The following ZFYVE26 variants were observed in gnomAD, a reference collection of about 807,000 sequenced individuals.
ZFYVE26 encodes zinc finger FYVE domain-containing protein 26.
Under a neutral mutation model 276.5 loss-of-function variants are expected in ZFYVE26, and 181 were observed. The observed-to-expected ratio is 0.65, with a 90% CI of 0.58 to 0.74. The LOEUF is 0.74. Ranked by LOEUF, ZFYVE26 falls within the 30% of genes least tolerant of loss-of-function variation. The pLI is 0.00. For missense variants in ZFYVE26, 2,821 were observed against 3,097.9 expected, an observed-to-expected ratio of 0.91 and a Z score of 2.12; for synonymous variants, 1,129 against 1,203.1, an observed-to-expected ratio of 0.94 and a Z score of 1.27.
intron 40 of ZFYVE26, 50 bp downstream of exon 40, chr14:67,752,294 G>A: frequency 6.4e-7 from 1 of 1,566,992 alleles, no homozygotes; most frequent in Non-Finnish European, 8.7e-7. Flanking sequence ...ATGGGGATGT[G>A]AAGACACTGA....
In ZFYVE26 at chr14:67,789,361, C is replaced by T. The variant is rs137898956; in HGVS notation, c.2993G>A (p.Arg998His). The T allele has an allele frequency of 4.9e-5, 79 of 1,614,226 alleles. No individual in the cohort carries two copies. The highest frequency in any genetic ancestry group is 1.1e-4 in the East Asian group (5 of 44,886). Reference protein sequence around the residue: ...CKQLLETAERRLNSSLERRGR... With the variant: ...CKQLLETAERHLNSSLERRGR... ...CCGCCTTTCAAGGCTACTATTCAAACGCCGTTCGGCTGTCTCCAAAAGCTG... is the reference window on the plus strand; with the variant it reads ...CCGCCTTTCAAGGCTACTATTCAAATGCCGTTCGGCTGTCTCCAAAAGCTG... Residue 998 changes from arginine to histidine, a missense_variant, in exon 16 of 42, where the codon CGT becomes CAT. Coordinates refer to ENST00000347230, the MANE Select transcript of ZFYVE26 (RefSeq NM_015346.4).
In ZFYVE26 at chr14:67,748,286, G is replaced by A. The variant is rs535870594; in HGVS notation, c.*150C>T. 2.6e-4 allele frequency: 217 copies of A among 831,032 alleles called. No homozygotes were observed. The highest frequency in any genetic ancestry group is 2.4e-3 in the African/African-American group (139 of 58,738). 51.5% of individuals were successfully genotyped at this position (831,032 alleles called of 1,614,324 possible). On this transcript the variant is annotated 3_prime_UTR_variant, in exon 42 of 42. Transcript: ENST00000347230. ...TGCGTGAAAGGTCCTATCCTTGCCC[G>A]GGAAGGCAAGTAGGGTCCAATCCAA...
chr14:67,789,276 ACT>A (rs1210704824), intron 16 of ZFYVE26, 57 bp downstream of exon 16: 1 of 1,609,238 alleles, frequency 6.2e-7, no homozygotes, highest in Non-Finnish European at 8.5e-7. Context: ...ATTTATCAAG[ACT>A]CTCAGAAACC....
Position 67,806,564 on chromosome 14 carries a change from T to G in ZFYVE26, c.998A>C (p.His333Pro). The change falls in exon 6 of 42, where the codon CAC becomes CCC. Residue 333 changes from histidine (H) to proline (P), a missense_variant. Transcript: ENST00000347230. ...ACTTACCAGAATCTGCTCGAGGAAG[T>G]GTTTGTTGTTGCTCAGGCAGTAGAA... ...AYFYCLSNNK[H>P]FLEQILVTAL... The G allele has an allele frequency of 6.2e-7, 1 of 1,614,236 alleles. No individual in the cohort carries two copies. Among genetic ancestry groups the G allele is most frequent in the Non-Finnish European group, 8.5e-7 (1 of 1,180,032 alleles).
At chr14:67,744,221 G>C (rs540012361), downstream of ZFYVE26, among the ~76,000 whole-genome samples, 4 of 152,090 alleles carry the variant, frequency 2.6e-5, no homozygotes, top group Non-Finnish European at 5.9e-5. Context: ...AAAGATATCT[G>C]GTAACCTTGG....
Position 67,790,725 on chromosome 14 carries a change from TC to T in ZFYVE26, c.2601del (p.Met868CysfsTer9). On this transcript the variant is annotated frameshift_variant, in exon 15 of 42. Coordinates refer to ENST00000347230, the MANE Select transcript of ZFYVE26 (RefSeq NM_015346.4). LOFTEE classifies it high-confidence loss of function. ...NLKSSPSSGE[L>X]MFMERYQEVI... Reference sequence around the variant, plus strand: ...ACTTCCTGGTAGCGCTCCATGAACATCAGTTCCCCTGAACTGGGTGAGGACT... The same window carrying T: ...ACTTCCTGGTAGCGCTCCATGAACATAGTTCCCCTGAACTGGGTGAGGACT... 6.2e-7 allele frequency: 1 copy of T among 1,614,194 alleles called. No homozygotes were observed. The highest frequency in any genetic ancestry group is 8.5e-7 in the Non-Finnish European group (1 of 1,180,028).
chr14:67,804,301 T>A, intron 8 of ZFYVE26, 37 bp from the exon 9 acceptor site: 1 of 1,609,762 alleles, frequency 6.2e-7, no homozygotes, highest in Non-Finnish European at 8.5e-7. Flanking sequence ...AGAGAGGCAG[T>A]TTATATTATT....
At chr14:67,729,163 T>C (rs1289393877) in intron 14 of ZFYVE26, 1 of 1,610,254 alleles carries the variant, frequency 6.2e-7, no homozygotes, top group African/African-American at 1.3e-5. Context: ...AGTGTGTCCC[T>C]GATCTAATTG....
intron 18 of ZFYVE26, 112 bp downstream of exon 18, chr14:67,785,746 A>G: frequency 1.4e-6 from 2 of 1,451,102 alleles, no homozygotes; most frequent in Non-Finnish European, 1.9e-6. Context: ...TAAAGGGCTG[A>G]TAGATCCCAG....
chr14:67,772,283 G>T (rs376288079), intron 27 of ZFYVE26, 73 bp from the exon 28 acceptor site: 2 of 1,505,074 alleles, frequency 1.3e-6, no homozygotes, highest in East Asian at 2.3e-5. Context: ...GGGAATGATA[G>T]AATTTTACCA....
intron 13 of ZFYVE26, among the ~76,000 whole-genome samples, chr14:67,741,128 T>G (rs1181085997): frequency 6.6e-6 from 1 of 152,174 alleles, no homozygotes; most frequent in Non-Finnish European, 1.5e-5. Context: ...AACTGCTTCT[T>G]TTATTCCAAT....
At chr14:67,774,535 C>T (rs998238545) in intron 27 of ZFYVE26, among the ~76,000 whole-genome samples, 3 of 151,510 alleles carry the variant, frequency 2.0e-5, no homozygotes, top group South Asian at 4.2e-4. Flanking sequence ...GGGATGGTAG[C>T]GGACAGTGCG....
intron 23 of ZFYVE26, among the ~76,000 whole-genome samples, chr14:67,778,775 T>C (rs755538217): frequency 1.4e-4 from 21 of 151,126 alleles, no homozygotes; most frequent in Non-Finnish European, 2.5e-4. Flanking sequence ...ATAGAATTCC[T>C]AGGGCTTTGT....
In ZFYVE26 at chr14:67,799,933, C is replaced by T. The variant is rs1359799616; in HGVS notation, c.1640-1311G>A. ...ACTCTATCTAGGATGTGGTTCTGTT[C>T]ATGTTGTTTTCTGTGATGTGCGTTG... is the stretch of plus-strand genomic sequence containing the variant. On this transcript the variant is annotated intron_variant, in intron 10 of 41. Transcript: ENST00000347230. Among the ~76,000 whole-genome samples, 3 of 152,142 alleles carry T rather than the reference C, an allele frequency of 2.0e-5. No individual in the cohort carries two copies. The East Asian group carries it at 5.8e-4, about 29-fold the overall frequency.
In ZFYVE26 at chr14:67,767,432, C is replaced by T. The variant is rs138828057; in HGVS notation, c.5790+272G>A. 7.2e-5 allele frequency among the ~76,000 whole-genome samples: 11 copies of T among 152,070 alleles called. No individual in the cohort carries two copies. In the South Asian group the frequency reaches 1.7e-3, roughly 23 times the overall value. ...TCCTTCCCCATCCCCACTCTCCTCA[C>T]GACCCCCAGCTTTCTGCTTGTCACA... is the stretch of plus-strand genomic sequence containing the variant. On this transcript the variant is annotated intron_variant, in intron 31 of 41. Transcript: ENST00000347230.
intron 3 of ZFYVE26, 117 bp from the exon 4 acceptor site, chr14:67,809,406 C>CTATTTTTTTTTTTTTT (rs1566899149): frequency 9.0e-6 from 2 of 223,334 alleles, no homozygotes; most frequent in Non-Finnish European, 1.4e-5. Context: ...AGATGAAGCA[C>CTATTTTTTTTTTTTTT]TCTTTTTTTT....
intron 19 of ZFYVE26, 85 bp downstream of exon 19, chr14:67,784,973 GC>G: frequency 7.3e-7 from 1 of 1,376,158 alleles, no homozygotes. Context: ...TGTATCCAGA[GC>G]CTTTCAATTG....
At chr14:67,804,338 C>T (rs907358454) in intron 8 of ZFYVE26, 74 bp from the exon 9 acceptor site, 3 of 1,545,496 alleles carry the variant, frequency 1.9e-6, no homozygotes, top group South Asian at 2.3e-5. Context: ...ATCTCCATTC[C>T]CTCTTGTTCT....
At position 67,802,142 on chromosome 14, in the gene ZFYVE26, C is replaced by T; in HGVS notation, c.1576G>A (p.Asp526Asn). 6.2e-7 allele frequency: 1 copy of T among 1,614,046 alleles called. No homozygotes were observed. The highest frequency in any genetic ancestry group is 8.5e-7 in the Non-Finnish European group (1 of 1,180,036). Residue 526 changes from aspartate to asparagine, a missense_variant, in exon 10 of 42, where the codon GAC becomes AAC. Coordinates refer to ENST00000347230, the MANE Select transcript of ZFYVE26 (RefSeq NM_015346.4). ...HQHSQCQDCK[D>N]SLSEDLASAT... ...GAGGCCAGGTCCTCAGAGAGGCTGT[C>T]TTTGCAGTCCTGGCACTGGGAGTGC...
Sources: allele counts gnomAD v4.1 joint callset (sites outside exome capture counted in the v4.1 genomes callset), GRCh38; gene constraint gnomAD v4.1.1; transcripts MANE v1.5; gene names NCBI Gene and HGNC (gene_info 2026-07-23, HGNC 2026-07-21).